The following RFC3 variants were observed in gnomAD, a reference collection of about 807,000 sequenced individuals.
RFC3 encodes A1 38 kDa subunit.
Under a neutral mutation model 45.1 loss-of-function variants are expected in RFC3, and 41 were observed. The ratio of observed to expected loss-of-function variants is 0.91; its 90% CI spans 0.71 to 1.18. The LOEUF is 1.18. Among genes scored for constraint, RFC3 ranks in the 50% most tolerant of loss-of-function variants. The pLI is 0.00. For synonymous variants in RFC3, 149 were observed against 144.0 expected, an observed-to-expected ratio of 1.03 and a Z score of -0.25; for missense variants, 423 against 428.1, an observed-to-expected ratio of 0.99 and a Z score of 0.10.
chr13:33,974,075 T>C, the RFC3 span, among the ~76,000 whole-genome samples: 1 of 152,096 alleles, frequency 6.6e-6, no homozygotes, highest in African/African-American at 2.4e-5. Context: ...ACATGGCTAA[T>C]AAGAGTGCAG....
At chr13:33,821,291 C>T in intron 2 of RFC3, 22 bp downstream of exon 2, 3 of 1,610,262 alleles carry the variant, frequency 1.9e-6, no homozygotes, top group Non-Finnish European at 2.5e-6. Flanking sequence ...ACTTTGAGGC[C>T]CTGAAAGTAA....
At chr13:33,911,514 A>T (rs997135729) in intron 8 of RFC3, among the ~76,000 whole-genome samples, 1 of 152,106 alleles carries the variant, frequency 6.6e-6, no homozygotes, top group Non-Finnish European at 1.5e-5. Flanking sequence ...TTTATAAAAA[A>T]AAGAGGTGTA....
intron 8 of RFC3, among the ~76,000 whole-genome samples, chr13:33,908,080 A>G (rs1417671760): frequency 6.6e-6 from 1 of 151,824 alleles, no homozygotes; most frequent in Non-Finnish European, 1.5e-5. Context: ...GCTGAAAGTG[A>G]GAAAGGGTAT....
chr13:33,959,000 T>C (rs1029481391), intron 8 of RFC3, among the ~76,000 whole-genome samples: 4 of 152,226 alleles, frequency 2.6e-5, no homozygotes, highest in African/African-American at 9.6e-5. Context: ...TTTAAAAAAT[T>C]CTGCATTTAA....
chr13:33,845,031 G>A (rs896883738), intron 8 of RFC3, among the ~76,000 whole-genome samples: 13 of 152,142 alleles, frequency 8.5e-5, no homozygotes, highest in African/African-American at 2.9e-4. Context: ...TTAAATGTTT[G>A]AAGGATATTT....
At chr13:33,833,797 C>A (rs1358292084) in intron 7 of RFC3, among the ~76,000 whole-genome samples, 1 of 151,984 alleles carries the variant, frequency 6.6e-6, no homozygotes, top group Admixed American at 6.6e-5. Context: ...TTGAGTCAGG[C>A]CTGAATTCAA....
chr13:33,841,734 C>G (rs2082200153), downstream of RFC3, among the ~76,000 whole-genome samples: 2 of 152,202 alleles, frequency 1.3e-5, no homozygotes, highest in South Asian at 4.1e-4. Flanking sequence ...TGATTATCAG[C>G]TTGTTGTTTT....
At chr13:33,934,841 C>T (rs1430729014) in intron 8 of RFC3, among the ~76,000 whole-genome samples, 1 of 152,114 alleles carries the variant, frequency 6.6e-6, no homozygotes, top group East Asian at 1.9e-4. Context: ...CTCTTCTGAG[C>T]CTGGGAACCT....
rs188033851 is a variant in RFC3 at position 33,825,958 on chromosome 13, A to G, written c.391+72A>G. The G allele has an allele frequency of 1.2e-4, 111 of 900,874 alleles. No homozygotes were observed. The East Asian group carries it at 3.0e-3, about 24-fold the overall frequency. 55.8% of individuals were successfully genotyped at this position (900,874 alleles called of 1,614,324 possible). ...GCTCTCTCTTTTTTTTGAGTTATGAAAGTGAACAGGAGAGAAGCCTGATCT... is the reference window on the plus strand; with the variant it reads ...GCTCTCTCTTTTTTTTGAGTTATGAGAGTGAACAGGAGAGAAGCCTGATCT... On this transcript the variant is annotated intron_variant, in intron 4 of 8. Transcript: ENST00000380071.
At position 33,825,813 on chromosome 13, in the gene RFC3, A is replaced by G. The variant is rs1593608916; in HGVS notation, c.318A>G (p.Val106=). 1 of 1,601,874 alleles carries G rather than the reference A, an allele frequency of 6.2e-7. No individual in the cohort carries two copies. Among genetic ancestry groups the G allele is most frequent in the Non-Finnish European group, 8.5e-7 (1 of 1,173,680 alleles). ...NPSDAGNSDR[V]VIQEMLKTVA... ...GTGATGCTGGAAATAGTGACCGAGT[A>G]GTCATTCAGGAGATGTTGAAAACAG... is the stretch of plus-strand genomic sequence containing the variant. Residue 106 remains valine (V), a synonymous_variant, in exon 4 of 9, where the codon GTA becomes GTG. Transcript: ENST00000380071.
chr13:33,961,404 G>A (rs1010172126), intron 8 of RFC3, among the ~76,000 whole-genome samples: 3 of 152,076 alleles, frequency 2.0e-5, no homozygotes, highest in Non-Finnish European at 4.4e-5. Context: ...TTATTTATTT[G>A]TATTTTTCTC....
At chr13:33,937,635 A>G (rs2082895514) in intron 8 of RFC3, among the ~76,000 whole-genome samples, 1 of 152,202 alleles carries the variant, frequency 6.6e-6, no homozygotes, top group Admixed American at 6.5e-5. Context: ...GCATGCGCAT[A>G]GAAACACAGA....
At chr13:33,927,239 A>G (rs953353723) in intron 8 of RFC3, among the ~76,000 whole-genome samples, 1 of 152,088 alleles carries the variant, frequency 6.6e-6, no homozygotes, top group African/African-American at 2.4e-5. Flanking sequence ...GCAGTTAAAA[A>G]AAAAAAAAAG....
intron 8 of RFC3, among the ~76,000 whole-genome samples, chr13:33,916,375 TTG>T (rs2082733575): frequency 6.6e-6 from 1 of 152,162 alleles, no homozygotes; most frequent in Admixed American, 6.5e-5. Context: ...GTCCTTTTGC[TTG>T]TATATTATTC....
intron 8 of RFC3, among the ~76,000 whole-genome samples, chr13:33,896,911 A>G (rs372061939): frequency 1.6e-4 from 24 of 152,102 alleles, no homozygotes; most frequent in African/African-American, 5.5e-4. Context: ...CAAATATGCA[A>G]GAGAGATAAA....
In RFC3 at chr13:33,899,839, T is replaced by C. The variant is rs149435048; in HGVS notation, c.879+64622T>C. On this transcript the variant is annotated intron_variant, in intron 8 of 8. Coordinates refer to the RFC3 transcript ENST00000434425. ...AAATAAATTCAGTAAAGTTGCAGGA[T>C]ACAAAACCAACATACATAAATTAGT... is the stretch of plus-strand genomic sequence containing the variant. Among the ~76,000 whole-genome samples, 90 of 152,086 alleles carry C rather than the reference T, an allele frequency of 5.9e-4. 2 individuals carry two copies. The East Asian group carries it at 0.016, about 26-fold the overall frequency.
chr13:33,913,889 A>G (rs540895131), intron 8 of RFC3, among the ~76,000 whole-genome samples: 2 of 152,286 alleles, frequency 1.3e-5, no homozygotes, highest in African/African-American at 4.8e-5. Flanking sequence ...ACACGTATTT[A>G]TAATAACAGA....
At chr13:33,946,190 C>T (rs2082953439) in intron 8 of RFC3, among the ~76,000 whole-genome samples, 1 of 152,174 alleles carries the variant, frequency 6.6e-6, no homozygotes, top group African/African-American at 2.4e-5. Context: ...CTTTTAATAA[C>T]ACCCCACATT....
At chr13:33,918,528 A>G (rs2082747293) in intron 8 of RFC3, among the ~76,000 whole-genome samples, 1 of 152,176 alleles carries the variant, frequency 6.6e-6, no homozygotes. Context: ...GGTAATTAAT[A>G]CAAAGTAGCT....
Sources: allele counts gnomAD v4.1 joint callset (sites outside exome capture counted in the v4.1 genomes callset), GRCh38; gene constraint gnomAD v4.1.1; transcripts MANE v1.5; gene names NCBI Gene and HGNC (gene_info 2026-07-23, HGNC 2026-07-21).